MGAT5B: variants seen among roughly 807,000 people sequenced by gnomAD.
MGAT5B encodes N-acetylglucosaminyl-transferase Vb.
Under a neutral mutation model 95.1 loss-of-function variants are expected in MGAT5B, and 54 were observed. The observed-to-expected ratio is 0.57, with a 90% confidence interval of 0.46 to 0.71. MGAT5B has a LOEUF of 0.71. Among genes scored for constraint, MGAT5B ranks in the 30% least tolerant of loss-of-function variants. MGAT5B has a pLI of 0.00. For synonymous variants in MGAT5B, 464 were observed against 451.0 expected, an observed-to-expected ratio of 1.03 and a Z score of -0.36; for missense variants, 935 against 1,088.6, an observed-to-expected ratio of 0.86 and a Z score of 1.99.
At position 76,905,419 on chromosome 17, in the gene MGAT5B, C is replaced by A; in HGVS notation, c.855+86C>A. On this transcript the variant is annotated intron_variant, in intron 7 of 17. Coordinates refer to ENST00000569840, the MANE Select transcript of MGAT5B (RefSeq NM_001199172.2). This position sits in a 1 kb window ranked among gnomAD's most constrained non-coding sequence, Gnocchi z 4.2. ...AGTGGGCATGGAATAGGTCTTCAAA[C>A]AAGCTGTAGTGGGCTTCTGAATTTG... 1.6e-6 allele frequency: 2 copies of A among 1,219,512 alleles called. No individual in the cohort carries two copies. The highest frequency in any genetic ancestry group is 2.2e-6 in the Non-Finnish European group (2 of 894,980). The allele number at this position is 1,219,512 out of a possible 1,614,324, so 75.5% of individuals were successfully genotyped here.
At chr17:76,929,944 T>C (rs999945613) in intron 10 of MGAT5B, among the ~76,000 whole-genome samples, 1 of 152,204 alleles carries the variant, frequency 6.6e-6, no homozygotes, top group African/African-American at 2.4e-5. Context: ...TAGTGAAAGA[T>C]TCTTCAGCTT....
Position 76,915,132 on chromosome 17 carries a change from C to T in MGAT5B, c.1025+8945C>T, listed in dbSNP as rs368158249. 1.2e-4 allele frequency among the ~76,000 whole-genome samples: 18 copies of T among 152,268 alleles called. No individual in the cohort carries two copies. In the East Asian group the frequency reaches 1.5e-3, roughly 13 times the overall value. On this transcript the variant is annotated intron_variant, in intron 8 of 17. Transcript: ENST00000569840. This position sits in a 1 kb window ranked among gnomAD's most constrained non-coding sequence, Gnocchi z 8.7. ...ATCAAAGGTGTGCTTGTTTATTTTTCGAGATAAGAGAGTGCACTCATGTTT... is the reference window on the plus strand; with the variant it reads ...ATCAAAGGTGTGCTTGTTTATTTTTTGAGATAAGAGAGTGCACTCATGTTT...
At chr17:76,925,235 G>GC (rs1969268926) in intron 9 of MGAT5B, 138 bp downstream of exon 9, 1 of 73,284 alleles carries the variant, frequency 1.4e-5, no homozygotes, top group African/African-American at 5.4e-4. Context: ...CCTGCCCTCC[G>GC]CCCTCCCCTC....
chr17:76,872,598 A>T (rs1967046997), intron 1 of MGAT5B: 2 of 1,415,570 alleles, frequency 1.4e-6, no homozygotes, highest in Non-Finnish European at 1.9e-6. Flanking sequence ...CGCCTGCCTC[A>T]TGCCTAAGTG....
rs577658200 is a variant in MGAT5B at position 76,914,350 on chromosome 17, C to T, written c.1025+8163C>T. On this transcript the variant is annotated intron_variant, in intron 8 of 17. Coordinates refer to ENST00000569840, the MANE Select transcript of MGAT5B (RefSeq NM_001199172.2). This position sits in a 1 kb window ranked among gnomAD's most constrained non-coding sequence, Gnocchi z 5.1. ...GGCCAGGAGCCGGGAGGAGAAAGAG[C>T]GCAGGAGCAGGGGTTACAGAATCGC... 3.8e-4 allele frequency among the ~76,000 whole-genome samples: 58 copies of T among 152,242 alleles called. No homozygotes were observed. Among genetic ancestry groups the T allele is most frequent in the South Asian group, 4.1e-4 (2 of 4,828 alleles).
At chr17:76,943,739 C>T (rs1849681160) in intron 15 of MGAT5B, among the ~76,000 whole-genome samples, 1 of 152,056 alleles carries the variant, frequency 6.6e-6, no homozygotes, top group African/African-American at 2.4e-5. Context: ...CCATGCCCGG[C>T]CTAATAATTC....
At chr17:76,880,145 C>T (rs924132245) in intron 2 of MGAT5B, among the ~76,000 whole-genome samples, 14 of 152,172 alleles carry the variant, frequency 9.2e-5, no homozygotes, top group African/African-American at 2.9e-4. Flanking sequence ...CTCCGTGAGC[C>T]TTCCTGGGCA....
At chr17:76,873,552 A>G in intron 2 of MGAT5B, among the ~76,000 whole-genome samples, 1 of 152,176 alleles carries the variant, frequency 6.6e-6, no homozygotes, top group Non-Finnish European at 1.5e-5. Flanking sequence ...TTCCCTACAG[A>G]GAAGGACAGC....
intron 8 of MGAT5B, among the ~76,000 whole-genome samples, chr17:76,908,583 T>C (rs1356331040): frequency 6.6e-6 from 1 of 151,868 alleles, no homozygotes; most frequent in Non-Finnish European, 1.5e-5. Flanking sequence ...CTCCTTTTCA[T>C]TGACTTAAAA....
intron 8 of MGAT5B, 73 bp from the exon 9 acceptor site, chr17:76,924,893 T>C: frequency 1.9e-6 from 3 of 1,565,798 alleles, no homozygotes; most frequent in Non-Finnish European, 2.6e-6. Flanking sequence ...CATTCTGGGC[T>C]CTAAGGAACT....
rs1198975802 is a variant in MGAT5B at position 76,879,513 on chromosome 17, G to A, written c.182-2638G>A. 3.9e-5 allele frequency among the ~76,000 whole-genome samples: 6 copies of A among 152,132 alleles called. No individual in the cohort carries two copies. In the South Asian group the frequency reaches 6.2e-4, roughly 16 times the overall value. Reference sequence around the variant, plus strand: ...GACTACTCCAGCCCGAGCTATGAGCGACAGCCCACCAGGGCTGCCCAGTGA... The same window carrying A: ...GACTACTCCAGCCCGAGCTATGAGCAACAGCCCACCAGGGCTGCCCAGTGA... On this transcript the variant is annotated intron_variant, in intron 2 of 17. Transcript: ENST00000569840.
chr17:76,932,493 G>T, intron 10 of MGAT5B, 152 bp from the exon 11 acceptor site: 2 of 1,075,940 alleles, frequency 1.9e-6, no homozygotes, highest in Non-Finnish European at 2.6e-6. Flanking sequence ...ACAGGCCGGG[G>T]CACTGATTAC....
chr17:76,943,932 G>A (rs1405149677), intron 15 of MGAT5B: 1 of 152,164 alleles, frequency 6.6e-6, no homozygotes, highest in African/African-American at 2.4e-5. Context: ...CTAAGACACA[G>A]CGAGCCGGCC....
Position 76,938,072 on chromosome 17 carries a change from G to A in MGAT5B, c.1513G>A (p.Val505Met), listed in dbSNP as rs959387840. Residue 505 changes from valine to methionine, a missense_variant, in exon 13 of 18, where the codon GTG (valine) becomes ATG (methionine). Physicochemically the swap from Val to Met is conservative, Grantham distance 21 (BLOSUM62 1). Transcript: ENST00000569840. This position sits in a 1 kb window ranked among gnomAD's most constrained non-coding sequence, Gnocchi z 4.3. Reference protein sequence around the residue: ...VYYESQRPPEVPAFVKNHGLL... With the variant: ...VYYESQRPPEMPAFVKNHGLL... ...CTACGAGAGCCAGCGGCCCCCCGAG[G>A]TGCCAGCCTTTGTGAAGAACCACGG... is the stretch of plus-strand genomic sequence containing the variant. 8.1e-6 allele frequency: 13 copies of A among 1,614,250 alleles called. No homozygotes were observed. Among genetic ancestry groups the A allele is most frequent in the Non-Finnish European group, 1.0e-5 (12 of 1,180,042 alleles).
chr17:76,881,046 G>C (rs1967392515), intron 2 of MGAT5B, among the ~76,000 whole-genome samples: 1 of 152,178 alleles, frequency 6.6e-6, no homozygotes, highest in Non-Finnish European at 1.5e-5. Context: ...TGATCCATAG[G>C]GGTTTGGGAG....
intron 3 of MGAT5B, among the ~76,000 whole-genome samples, chr17:76,886,512 A>T (rs534912136): frequency 5.9e-5 from 9 of 152,260 alleles, no homozygotes; most frequent in African/African-American, 1.9e-4. Context: ...ACTCTTTGGG[A>T]GGCTTAGAAT....
intron 2 of MGAT5B, among the ~76,000 whole-genome samples, chr17:76,873,580 G>C (rs1023444466): frequency 6.6e-6 from 1 of 152,224 alleles, no homozygotes; most frequent in African/African-American, 2.4e-5. Context: ...TTCTGCAGAG[G>C]TTGGATTGAA....
intron 2 of MGAT5B, among the ~76,000 whole-genome samples, chr17:76,881,807 TG>T (rs1356669090): frequency 6.6e-6 from 1 of 152,146 alleles, no homozygotes; most frequent in Non-Finnish European, 1.5e-5. Context: ...ACATGAGGGT[TG>T]TTGGGCCCCA....
Position 76,904,258 on chromosome 17 carries a change from C to T in MGAT5B, c.526C>T (p.Arg176Cys), listed in dbSNP as rs937369822. 6 of 1,606,422 alleles carry T rather than the reference C, an allele frequency of 3.7e-6. No individual in the cohort carries two copies. Among genetic ancestry groups the T allele is most frequent in the African/African-American group, 1.3e-5 (1 of 74,826 alleles). Reference sequence around the variant, plus strand: ...AGCCTGGCCCTCTCTGCAGTGGATGCGTGCCCGCTGGACCTCTGACCCCTG... The same window carrying T: ...AGCCTGGCCCTCTCTGCAGTGGATGTGTGCCCGCTGGACCTCTGACCCCTG... ...PDCSGKVEWMRARWTSDPCYA... is the reference protein window; with the variant it reads ...PDCSGKVEWMCARWTSDPCYA... Residue 176 changes from arginine (R) to cysteine (C), a missense_variant, in exon 6 of 18, where the codon CGT becomes TGT. By Grantham distance (180) the Arg-to-Cys change is radical (BLOSUM62 -3). This residue lies in a region of MGAT5B where 243 missense variants were observed against 305.5 expected (regional missense o/e 0.80). Coordinates refer to ENST00000569840, the MANE Select transcript of MGAT5B (RefSeq NM_001199172.2).
Sources: gnomAD v4.1 joint callset for allele counts (sites outside exome capture counted in the v4.1 genomes callset) on GRCh38, gnomAD v4.1.1 for gene constraint, gnomAD v4.1.1 regional missense constraint, Gnocchi (gnomAD v3.1) non-coding constraint, MANE v1.5 for transcripts, NCBI Gene and HGNC (gene_info 2026-07-23, HGNC 2026-07-21) for gene names.